The following INO80 variants were observed in gnomAD, a reference collection of about 807,000 sequenced individuals.
INO80 encodes chromatin-remodeling ATPase INO80.
Under a neutral mutation model 203.4 loss-of-function variants are expected in INO80, and 20 were observed. The ratio of observed to expected loss-of-function variants is 0.10; its 90% CI spans 0.07 to 0.14. The LOEUF is 0.14. Among genes scored for constraint, INO80 ranks in the 10% least tolerant of loss-of-function variants. The pLI is 1.00. For synonymous variants in INO80, 726 were observed against 685.2 expected (o/e 1.06, Z -0.93); for missense variants, 1,419 against 1,914.4 (o/e 0.74, Z 4.83).
chr15:41,078,091 G>A (rs1428643566), intron 9 of INO80, among the ~76,000 whole-genome samples: 1 of 151,620 alleles, frequency 6.6e-6, no homozygotes, highest in Non-Finnish European at 1.5e-5. Context: ...GTAGAGACAG[G>A]GTTTCACCAT....
chr15:40,985,234 G>C, intron 32 of INO80, 104 bp downstream of exon 32: 1 of 792,536 alleles, frequency 1.3e-6, no homozygotes, highest in Non-Finnish European at 2.2e-6. Context: ...GCTGGAGCTT[G>C]ATAGCAACCA....
At chr15:41,082,129 A>G (rs892332084) in intron 7 of INO80, among the ~76,000 whole-genome samples, 4 of 151,830 alleles carry the variant, frequency 2.6e-5, no homozygotes, top group Admixed American at 2.0e-4. Context: ...ACATGCCTGT[A>G]ATCCTAGCTA....
chr15:40,990,503 G>A (rs1306139932), intron 29 of INO80, among the ~76,000 whole-genome samples: 1 of 152,090 alleles, frequency 6.6e-6, no homozygotes, highest in Non-Finnish European at 1.5e-5. Flanking sequence ...TGGAATTACA[G>A]GTATGAGCCA....
chr15:41,069,541 A>C, intron 14 of INO80, 29 bp downstream of exon 14: 2 of 1,252,374 alleles, frequency 1.6e-6, no homozygotes, highest in Non-Finnish European at 2.3e-6. Flanking sequence ...TTAAAGAGCA[A>C]TAGATGTTTT....
chr15:41,084,101 T>C (rs761915224), intron 7 of INO80, among the ~76,000 whole-genome samples: 1 of 152,052 alleles, frequency 6.6e-6, no homozygotes, highest in African/African-American at 2.4e-5. Flanking sequence ...CCTATCAGGA[T>C]TGCACTCAAT....
intron 28 of INO80, among the ~76,000 whole-genome samples, chr15:40,999,728 A>G (rs1448623471): frequency 1.3e-5 from 2 of 152,190 alleles, no homozygotes; most frequent in African/African-American, 4.8e-5. Context: ...ATTTTCCCAC[A>G]GATATGGGAT....
At chr15:40,981,806 C>T (rs1243850558) in intron 35 of INO80, among the ~76,000 whole-genome samples, 3 of 152,358 alleles carry the variant, frequency 2.0e-5, no homozygotes, top group African/African-American at 7.2e-5. Flanking sequence ...CTGCTAAGCT[C>T]CTGCCCAGCA....
chr15:41,067,415 C>T (rs2045240253), intron 14 of INO80, among the ~76,000 whole-genome samples: 1 of 151,894 alleles, frequency 6.6e-6, no homozygotes, highest in African/African-American at 2.4e-5. Flanking sequence ...TCAATATATA[C>T]TGAACATCAT....
intron 1 of INO80, among the ~76,000 whole-genome samples, chr15:41,101,439 A>C (rs775828490): frequency 1.3e-4 from 20 of 152,146 alleles, no homozygotes; most frequent in Non-Finnish European, 2.6e-4. Flanking sequence ...CTCATCTTGG[A>C]AGAGCCTGAA....
intron 1 of INO80, among the ~76,000 whole-genome samples, chr15:41,111,259 A>C (rs575938672): frequency 6.6e-5 from 10 of 152,260 alleles, no homozygotes; most frequent in African/African-American, 2.4e-4. Context: ...CAGCCTGGTC[A>C]ACATGGTGAA....
At position 40,982,213 on chromosome 15, in the gene INO80, C is replaced by G. The variant is rs147603941; in HGVS notation, c.4453+649G>C. On this transcript the variant is annotated intron_variant, in intron 35 of 35. Coordinates refer to ENST00000648947, the MANE Select transcript of INO80 (RefSeq NM_017553.3). ...CCATGCTGGAGTGCAGTGACCTGATCTCAGTGCACTGAAACCTCCACCTCC... is the reference window on the plus strand; with the variant it reads ...CCATGCTGGAGTGCAGTGACCTGATGTCAGTGCACTGAAACCTCCACCTCC... Among the ~76,000 whole-genome samples the G allele has an allele frequency of 6.2e-4, 95 of 152,338 alleles. 1 individual carries two copies. In the East Asian group the frequency reaches 0.01, roughly 17 times the overall value.
Position 41,087,601 on chromosome 15 carries a change from G to T in INO80, c.619C>A (p.Pro207Thr). 3.1e-6 allele frequency: 5 copies of T among 1,613,762 alleles called. No individual in the cohort carries two copies. Among genetic ancestry groups the T allele is most frequent in the Non-Finnish European group, 3.4e-6 (4 of 1,179,954 alleles). The change falls in exon 6 of 36, where the codon CCC becomes ACC. Residue 207 changes from proline to threonine, a missense_variant. By Grantham distance (38) the Pro-to-Thr change is conservative. Transcript: ENST00000648947. ...FYEQQRHLLG[P>T]KKKKFKEEKK... ...TCCTCCTTAAATTTCTTTTTCTTGG[G>T]TCCAAGTAGGTGCCGTTGTTGCTCA...
At chr15:41,085,680 A>G in intron 6 of INO80, 97 bp from the exon 7 acceptor site, 1 of 851,948 alleles carries the variant, frequency 1.2e-6, no homozygotes, top group South Asian at 1.6e-5. Flanking sequence ...TCCTTATTCC[A>G]CCTGACACTG....
intron 1 of INO80, among the ~76,000 whole-genome samples, chr15:41,106,327 C>A (rs1224068133): frequency 7.0e-6 from 1 of 142,098 alleles, no homozygotes; most frequent in Non-Finnish European, 1.5e-5. Flanking sequence ...GAGGTTGCTG[C>A]GGGCTGAGAT....
At chr15:40,989,140 T>C (rs1293404211) in intron 29 of INO80, among the ~76,000 whole-genome samples, 1 of 150,100 alleles carries the variant, frequency 6.7e-6, no homozygotes, top group African/African-American at 2.5e-5. Context: ...GATCATGCCA[T>C]TGCACTCCAG....
rs928371835 is a variant in INO80 at position 41,009,606 on chromosome 15, T to G, written c.3403-3919A>C. Among the ~76,000 whole-genome samples the G allele has an allele frequency of 2.6e-5, 4 of 152,102 alleles. No homozygotes were observed. The East Asian group carries it at 7.7e-4, about 29-fold the overall frequency. On this transcript the variant is annotated intron_variant, in intron 27 of 35. Transcript: ENST00000648947. ...ACATATGCGTTTTGGTTTTGTTTTG[T>G]TTTTGAGGCAGGGTCTTGCTCTATT...
intron 27 of INO80, 65 bp from the exon 28 acceptor site, chr15:41,005,752 G>A: frequency 1.1e-6 from 1 of 880,468 alleles, no homozygotes; most frequent in East Asian, 2.5e-5. Flanking sequence ...ATTTCCACAG[G>A]CATCTACCCA....
chr15:41,107,532 G>A (rs1263688805), intron 1 of INO80, among the ~76,000 whole-genome samples: 2 of 152,056 alleles, frequency 1.3e-5, no homozygotes, highest in African/African-American at 4.8e-5. Context: ...AGGTGTGATG[G>A]CTCATGCCTA....
chr15:40,985,482 ACTCT>A (rs1254397777), intron 31 of INO80, 56 bp from the exon 32 acceptor site: 1 of 1,270,396 alleles, frequency 7.9e-7, no homozygotes, highest in Non-Finnish European at 1.2e-6. Context: ...CATAATCCTC[ACTCT>A]CTTAATTAAG....
Sources: allele counts gnomAD v4.1 joint callset (sites outside exome capture counted in the v4.1 genomes callset), GRCh38; gene constraint gnomAD v4.1.1; transcripts MANE v1.5; gene names NCBI Gene and HGNC (gene_info 2026-07-23, HGNC 2026-07-21).